Variants in CASK observed in about 807,000 individuals in gnomAD.
The protein encoded by CASK is calcium/calmodulin dependent serine protein kinase.
A neutral mutation model predicts 82.9 loss-of-function variants in CASK; 4 were observed. That is an observed-to-expected ratio of 0.05 (90% CI 0.02 to 0.11). The LOEUF is 0.11. CASK is among the 10% of genes least tolerant of loss of function. CASK has a pLI of 1.00. For synonymous variants in CASK, 259 were observed against 253.5 expected (o/e 1.02, Z -0.20); for missense variants, 358 against 720.9 (o/e 0.50, Z 5.76).
At chrX:41,692,172 GT>G (rs1418205141) in intron 5 of CASK, among the ~76,000 whole-genome samples, 2 of 112,289 alleles carry the variant, frequency 1.8e-5, no homozygotes, top group East Asian at 2.8e-4. Context: ...TACACAGAAA[GT>G]ACTAAATAAA....
intron 2 of CASK, among the ~76,000 whole-genome samples, chrX:41,850,580 C>T (rs986805530): frequency 7.1e-5 from 8 of 111,998 alleles, no homozygotes; most frequent in African/African-American, 1.9e-4. Context: ...AAGAATGTAA[C>T]GGTAAATATA....
intron 19 of CASK, chrX:41,556,078 A>G (rs1319329733): frequency 8.7e-6 from 1 of 114,490 alleles, no homozygotes; most frequent in Non-Finnish European, 1.8e-5. Flanking sequence ...TTGGTAGCCT[A>G]TTTTAAAGTT....
chrX:41,677,035 G>A (rs1381288283), intron 5 of CASK, among the ~76,000 whole-genome samples: 1 of 110,134 alleles, frequency 9.1e-6, no homozygotes, highest in Non-Finnish European at 1.9e-5. Context: ...GGCTGGGTGC[G>A]GTGGCTCACA....
Position 41,518,858 on chromosome X carries a change from C to A in CASK, c.*1562G>T, listed in dbSNP as rs2064597335. 9.0e-6 allele frequency: 1 copy of A among 111,586 alleles called. No individual in the cohort carries two copies. Among genetic ancestry groups the A allele is most frequent in the African/African-American group, 3.3e-5 (1 of 30,670 alleles). 9.2% of individuals were successfully genotyped at this position (111,586 alleles called of 1,213,427 possible). A position where few individuals can be genotyped will look rare whatever the true frequency, so the allele number is the denominator to read the frequency against. On this transcript the variant is annotated 3_prime_UTR_variant, in exon 27 of 27. Transcript: ENST00000378163. ...CTGGCAAAGAGTCTGAGAACCCCAG[C>A]CCGAATCTCCTGTATTGGAAGAATG...
intron 26 of CASK, among the ~76,000 whole-genome samples, 194 bp from the exon 27 acceptor site, chrX:41,520,790 T>C (rs576889710): frequency 1.8e-5 from 2 of 112,125 alleles, no homozygotes; most frequent in South Asian, 7.4e-4. Context: ...AGACAGTGAT[T>C]GCTCAACATG....
chrX:41,922,332 T>C (rs2072797935), intron 1 of CASK, among the ~76,000 whole-genome samples: 1 of 111,374 alleles, frequency 9.0e-6, no homozygotes, highest in African/African-American at 3.3e-5. Flanking sequence ...CGAGCACTGA[T>C]TGAACAGTCA....
intron 11 of CASK, among the ~76,000 whole-genome samples, chrX:41,620,540 T>A (rs754427929): frequency 1.8e-5 from 2 of 111,707 alleles, no homozygotes; most frequent in East Asian, 5.6e-4. Flanking sequence ...CAATACTTTT[T>A]AAAAAAAATC....
At chrX:41,683,070 C>T (rs2067387997) in intron 5 of CASK, 2 of 111,842 alleles carry the variant, frequency 1.8e-5, no homozygotes, top group Admixed American at 1.9e-4. Context: ...CTCTTCAATA[C>T]TTTTCTGAAT....
chrX:41,610,142 A>G, intron 11 of CASK, 117 bp from the exon 12 acceptor site: 1 of 734,313 alleles, frequency 1.4e-6, no homozygotes, highest in South Asian at 2.4e-5. Flanking sequence ...TTCAAAGGCT[A>G]GTGTCTTTAC....
intron 1 of CASK, among the ~76,000 whole-genome samples, 172 bp from the exon 2 acceptor site, chrX:41,853,399 T>C (rs2071303561): frequency 8.9e-6 from 1 of 111,837 alleles, no homozygotes; most frequent in African/African-American, 3.2e-5. Context: ...ACTTCCAACA[T>C]ATTTTTCTAT....
chrX:41,721,025 A>G (rs2068155991), intron 5 of CASK, among the ~76,000 whole-genome samples: 1 of 112,036 alleles, frequency 8.9e-6, no homozygotes, highest in South Asian at 3.7e-4. Context: ...TAACACCTCA[A>G]GGAAGTAAAT....
intron 5 of CASK, chrX:41,689,942 C>T (rs996025467): frequency 5.4e-5 from 6 of 111,340 alleles, no homozygotes; most frequent in African/African-American, 2.0e-4. Flanking sequence ...GGGTCCTGCC[C>T]TCTGGGTCCA....
At chrX:41,764,098 T>C in intron 3 of CASK, among the ~76,000 whole-genome samples, 1 of 112,001 alleles carries the variant, frequency 8.9e-6, no homozygotes, top group Middle Eastern at 4.6e-3. Flanking sequence ...GAATGGGAGC[T>C]GTGCAGAGCA....
At chrX:41,897,077 T>C (rs1391028147) in intron 1 of CASK, among the ~76,000 whole-genome samples, 1 of 111,697 alleles carries the variant, frequency 9.0e-6, no homozygotes, top group Non-Finnish European at 1.9e-5. Flanking sequence ...GAAAATTTTA[T>C]TTCTTCCTTT....
At position 41,583,497 on chromosome X, in the gene CASK, C is replaced by T. The variant is rs186970298; in HGVS notation, c.1314+3410G>A. On this transcript the variant is annotated intron_variant, in intron 14 of 26. Coordinates refer to ENST00000378163, the MANE Select transcript of CASK (RefSeq NM_001367721.1). The stretch of plus-strand genomic sequence containing the variant: ...TCTCACCCAGGCTGGAGTGCAGAGG[C>T]GTGATCTCGCCTCACTGAAACCTCT... Among the ~76,000 whole-genome samples, 122 of 110,182 alleles carry T rather than the reference C, an allele frequency of 1.1e-3. 1 individual carries two copies. Among genetic ancestry groups the T allele is most frequent in the African/African-American group, 3.9e-3 (117 of 30,301 alleles).
intron 4 of CASK, 29 bp downstream of exon 4, chrX:41,745,494 AC>A: frequency 1.0e-6 from 1 of 966,986 alleles, no homozygotes; most frequent in Non-Finnish European, 1.5e-6. Flanking sequence ...TTTCAACTTG[AC>A]CTCTGGTGAT....
rs367611761 is a variant in CASK, at chrX:41,523,966, A to C, written c.2589T>G (p.Thr863=). Residue 863 remains threonine, a synonymous_variant, in exon 26 of 27, where the codon ACT becomes ACG. Coordinates refer to ENST00000378163, the MANE Select transcript of CASK (RefSeq NM_001367721.1). ...FVVFIAAPTI[T]PGLNEDESLQ... is the part of the protein sequence containing the mutation. Reference sequence around the variant, plus strand: ...TGATTCTTACCTCATTTAAACCTGGAGTAATAGTTGGTGCAGCAATGAAAA... The same window carrying C: ...TGATTCTTACCTCATTTAAACCTGGCGTAATAGTTGGTGCAGCAATGAAAA... The C allele has an allele frequency of 3.4e-6, 4 of 1,193,721 alleles. No individual in the cohort carries two copies. The East Asian group carries it at 8.9e-5, about 27-fold the overall frequency.
chrX:41,564,012 C>T (rs1323788647), intron 16 of CASK, among the ~76,000 whole-genome samples: 1 of 111,835 alleles, frequency 8.9e-6, no homozygotes, highest in Non-Finnish European at 1.9e-5. Context: ...GCCAGTCTCA[C>T]TCATAAATGC....
intron 22 of CASK, among the ~76,000 whole-genome samples, chrX:41,536,991 T>C (rs2064882736): frequency 8.9e-6 from 1 of 112,132 alleles, no homozygotes; most frequent in Non-Finnish European, 1.9e-5. Flanking sequence ...TATATTTTAA[T>C]AAAAATAAGC....
Sources: gnomAD v4.1 joint callset for allele counts (sites outside exome capture counted in the v4.1 genomes callset) on GRCh38, gnomAD v4.1.1 for gene constraint, MANE v1.5 for transcripts, NCBI Gene and HGNC (gene_info 2026-07-23, HGNC 2026-07-21) for gene names.